NAALADL2: variants seen among roughly 807,000 people sequenced by gnomAD.
NAALADL2 encodes the protein N-acetylated alpha-linked acidic dipeptidase like 2, also known as inactive N-acetylated-alpha-linked acidic dipeptidase-like protein 2.
Under a neutral mutation model 87.2 loss-of-function variants are expected in NAALADL2, and 76 were observed. The observed-to-expected ratio is 0.87, with a 90% CI of 0.72 to 1.05. The LOEUF (loss-of-function observed/expected upper bound fraction) is 1.05. Among genes scored for constraint, NAALADL2 ranks in the 50% least tolerant of loss-of-function variants. NAALADL2 has a pLI of 0.00. For missense variants in NAALADL2, 1,089 were observed against 945.8 expected, an observed-to-expected ratio of 1.15 and a Z score of -1.99; for synonymous variants, 354 against 331.0, an observed-to-expected ratio of 1.07 and a Z score of -0.75.
chr3:174,643,004 A>G (rs1340720956), intron 2 of NAALADL2, among the ~76,000 whole-genome samples: 1 of 151,590 alleles, frequency 6.6e-6, no homozygotes, highest in East Asian at 1.9e-4. Flanking sequence ...CTGGTCTTGA[A>G]CTCCTGGGTT....
At chr3:175,782,794 G>GA (rs1281712047) in intron 13 of NAALADL2, among the ~76,000 whole-genome samples, 1 of 146,344 alleles carries the variant, frequency 6.8e-6, no homozygotes, top group African/African-American at 2.7e-5. Context: ...CCTATGTCCT[G>GA]AATGGTAATG....
chr3:175,305,244 T>TTG (rs1240857058), intron 4 of NAALADL2, among the ~76,000 whole-genome samples: 1 of 131,658 alleles, frequency 7.6e-6, no homozygotes, highest in African/African-American at 3.4e-5. Context: ...GTGTGTGTGT[T>TTG]TGTGTATGTG....
chr3:174,982,251 T>TA (rs1319421208), intron 1 of NAALADL2, among the ~76,000 whole-genome samples: 2 of 152,134 alleles, frequency 1.3e-5, no homozygotes, highest in South Asian at 2.1e-4. Flanking sequence ...CAACAACAAT[T>TA]TACTGAGTAT....
intron 13 of NAALADL2, among the ~76,000 whole-genome samples, chr3:175,760,700 A>G (rs1226418226): frequency 2.6e-5 from 4 of 152,072 alleles, no homozygotes; most frequent in African/African-American, 9.7e-5. Context: ...GCAGTGCTCT[A>G]CCACTCCTGG....
At chr3:175,750,385 T>C (rs915944345) in intron 12 of NAALADL2, among the ~76,000 whole-genome samples, 8 of 152,126 alleles carry the variant, frequency 5.3e-5, no homozygotes, top group Non-Finnish European at 1.2e-4. Context: ...TTGACTAACA[T>C]TTCTCTCTCT....
intron 2 of NAALADL2, among the ~76,000 whole-genome samples, chr3:175,180,829 A>G (rs1241188139): frequency 6.6e-6 from 1 of 151,976 alleles, no homozygotes; most frequent in Non-Finnish European, 1.5e-5. Context: ...CAATGGATCT[A>G]TCAGAAACAT....
chr3:175,145,743 A>G (rs1730656496), intron 2 of NAALADL2, among the ~76,000 whole-genome samples: 2 of 152,176 alleles, frequency 1.3e-5, no homozygotes, highest in Non-Finnish European at 1.5e-5. Context: ...AATTTTACAC[A>G]AAATTATTAC....
At chr3:175,580,925 A>G (rs867482334) in intron 10 of NAALADL2, among the ~76,000 whole-genome samples, 1 of 152,154 alleles carries the variant, frequency 6.6e-6, no homozygotes, top group Non-Finnish European at 1.5e-5. Context: ...GGTAATATCT[A>G]CATAGTAGAA....
At chr3:174,494,397 T>C (rs1283964007) in intron 1 of NAALADL2, among the ~76,000 whole-genome samples, 1 of 149,816 alleles carries the variant, frequency 6.7e-6, no homozygotes, top group Non-Finnish European at 1.5e-5. Context: ...CACCGCATGT[T>C]CTCACTCATA....
At chr3:174,518,977 G>A (rs1353022577) in intron 1 of NAALADL2, among the ~76,000 whole-genome samples, 1 of 152,082 alleles carries the variant, frequency 6.6e-6, no homozygotes, top group African/African-American at 2.4e-5. Context: ...AATCTCTGAT[G>A]ACATTATAAA....
At chr3:174,931,107 T>A (rs1272654410) in intron 1 of NAALADL2, among the ~76,000 whole-genome samples, 2 of 152,104 alleles carry the variant, frequency 1.3e-5, no homozygotes, top group Non-Finnish European at 2.9e-5. Flanking sequence ...ACTAAACAAG[T>A]ATTTCGGGGC....
At chr3:175,430,631 T>C (rs1717590227) in intron 5 of NAALADL2, among the ~76,000 whole-genome samples, 2 of 152,024 alleles carry the variant, frequency 1.3e-5, no homozygotes, top group African/African-American at 4.8e-5. Flanking sequence ...TGAATAAGTC[T>C]AACTTTGTGT....
intron 1 of NAALADL2, among the ~76,000 whole-genome samples, chr3:175,004,505 T>A (rs1294942230): frequency 6.6e-6 from 1 of 151,612 alleles, no homozygotes. Flanking sequence ...GGGATGCTAC[T>A]GTGCTAGTTA....
At chr3:174,829,324 T>A (rs1425288870) in intron 3 of NAALADL2, among the ~76,000 whole-genome samples, 1 of 150,078 alleles carries the variant, frequency 6.7e-6, no homozygotes, top group Non-Finnish European at 1.5e-5. Flanking sequence ...GTCCATCTGA[T>A]CTCATTGTTC....
chr3:175,118,267 T>A (rs6773961), intron 2 of NAALADL2, among the ~76,000 whole-genome samples: 91,731 of 151,590 alleles, frequency 0.61, 28,261 homozygotes, highest in African/African-American at 0.73. Flanking sequence ...ATAATAATAA[T>A]ACGAATTTCA....
chr3:175,319,237 G>A (rs1338416401), intron 4 of NAALADL2, among the ~76,000 whole-genome samples: 2 of 152,154 alleles, frequency 1.3e-5, no homozygotes, highest in African/African-American at 4.8e-5. Flanking sequence ...AATGACAAAA[G>A]TCTGATATGC....
At chr3:175,661,687 G>A (rs778435005) in intron 11 of NAALADL2, among the ~76,000 whole-genome samples, 1 of 151,930 alleles carries the variant, frequency 6.6e-6, no homozygotes, top group African/African-American at 2.4e-5. Flanking sequence ...TGACAGAGGA[G>A]TCTGGTTTCA....
chr3:175,038,633 C>T (rs977860057), intron 1 of NAALADL2, among the ~76,000 whole-genome samples: 1 of 152,118 alleles, frequency 6.6e-6, no homozygotes, highest in Non-Finnish European at 1.5e-5. Context: ...TCTTAATGAA[C>T]TTTACATCAA....
Position 175,174,787 on chromosome 3 carries a change from G to GTA in NAALADL2, c.546-59136_546-59135dup, listed in dbSNP as rs753534334. On this transcript the variant is annotated intron_variant, in intron 2 of 13. Transcript: ENST00000454872. ...GCTATTCATGTGTGTGTGTGTGTGT[G>GTA]TATATATATGTGTGTGTGTGTGCGC... Among the ~76,000 whole-genome samples, 33 of 140,588 alleles carry GTA rather than the reference G, an allele frequency of 2.3e-4. 1 individual carries two copies. The highest frequency in any genetic ancestry group is 1.8e-3 in the Admixed American group (27 of 14,776). 92.2% of individuals were successfully genotyped at this position (140,588 alleles called of 152,430 possible).
Sources: allele counts gnomAD v4.1 joint callset (sites outside exome capture counted in the v4.1 genomes callset), GRCh38; gene constraint gnomAD v4.1.1; transcripts MANE v1.5; gene names NCBI Gene and HGNC (gene_info 2026-07-23, HGNC 2026-07-21).